DCUN1D2: variants seen among roughly 807,000 people sequenced by gnomAD.
DCUN1D2 encodes the protein defective in cullin neddylation 1 domain containing 2.
In DCUN1D2, 29 loss-of-function variants were observed where a neutral mutation model predicts 30.9. The observed-to-expected ratio is 0.94, with a 90% confidence interval of 0.70 to 1.28. The LOEUF (loss-of-function observed/expected upper bound fraction) is 1.28, where lower values mean the gene tolerates loss of function less well. Ranked by LOEUF, DCUN1D2 falls within the 50% of genes most tolerant of loss-of-function variation. DCUN1D2 has a pLI of 0.00. For synonymous variants in DCUN1D2, 121 were observed against 115.3 expected, an observed-to-expected ratio of 1.05 and a Z score of -0.32; for missense variants, 325 against 316.9, an observed-to-expected ratio of 1.03 and a Z score of -0.19.
At chr13:113,487,724 T>C (rs934034368) in intron 1 of DCUN1D2, among the ~76,000 whole-genome samples, 9 of 152,224 alleles carry the variant, frequency 5.9e-5, no homozygotes, top group Non-Finnish European at 1.0e-4. Flanking sequence ...TGACTGCTAA[T>C]GGGTACAGTT....
At chr13:113,470,407 A>G (rs1396937769) in intron 4 of DCUN1D2, among the ~76,000 whole-genome samples, 1 of 152,244 alleles carries the variant, frequency 6.6e-6, no homozygotes, top group Admixed American at 6.5e-5. Flanking sequence ...ACAACTTCAG[A>G]AGAGGAAATG....
At chr13:113,461,245 T>C (rs1361502660) in intron 4 of DCUN1D2, 109 bp from the exon 5 acceptor site, 22 of 694,740 alleles carry the variant, frequency 3.2e-5, no homozygotes, top group Non-Finnish European at 4.8e-5. Flanking sequence ...AATGTGGCAA[T>C]CTCACCCAAG....
intron 4 of DCUN1D2, among the ~76,000 whole-genome samples, chr13:113,469,417 C>A (rs1566497046): frequency 6.6e-6 from 1 of 152,290 alleles, no homozygotes; most frequent in Middle Eastern, 3.4e-3. Flanking sequence ...CCATGGCTCA[C>A]GCCTGTAATC....
At chr13:113,469,793 C>G (rs556731380) in intron 4 of DCUN1D2, among the ~76,000 whole-genome samples, 1 of 152,248 alleles carries the variant, frequency 6.6e-6, no homozygotes, top group Admixed American at 6.5e-5. Flanking sequence ...GAGCTATGAT[C>G]GCGCCACTCC....
intron 4 of DCUN1D2, among the ~76,000 whole-genome samples, chr13:113,471,162 CCAACTCCACAGAAGACA>C (rs1383732625): frequency 2.0e-5 from 3 of 150,664 alleles, no homozygotes; most frequent in Non-Finnish European, 4.4e-5. Flanking sequence ...CACAGGGGAC[CCAACTCCACAGAAGACA>C]CAACTCCACA....
Position 113,490,639 on chromosome 13 carries a change from C to A in DCUN1D2, c.3+28G>T, listed in dbSNP as rs2044951247. The A allele has an allele frequency of 8.1e-7, 1 of 1,231,990 alleles. No homozygotes were observed. The highest frequency in any genetic ancestry group is 1.0e-6 in the Non-Finnish European group (1 of 988,110). 76.3% of individuals were successfully genotyped at this position (1,231,990 alleles called of 1,614,324 possible). On this transcript the variant is annotated intron_variant, in intron 1 of 6. Transcript: ENST00000478244. This position sits in a 1 kb window ranked among gnomAD's most constrained non-coding sequence, Gnocchi z 5.2. ...GGCCCGACCCCGACCCCGACCCCGA[C>A]GGGCAGAGGCGACGCCGGGCCACCT...
At position 113,459,325 on chromosome 13, in the gene DCUN1D2, G is replaced by C; in HGVS notation, c.687C>G (p.Asn229Lys). ...AACTTCCGGTACCTTCTTCATCGTA[G>C]TTAGACATATCATCCGCAATCATGT... The part of the protein sequence containing the change: ...FGNMIADDMS[N>K]YDEEGAWPVL... The change falls in exon 6 of 7, where the codon AAC (asparagine) becomes AAG (lysine). Residue 229 changes from asparagine to lysine, a missense_variant. Physicochemically the swap from Asn to Lys is moderately conservative, Grantham distance 94. Transcript: ENST00000478244. 1.9e-6 allele frequency: 3 copies of C among 1,581,970 alleles called. No homozygotes were observed. Among genetic ancestry groups the C allele is most frequent in the Non-Finnish European group, 2.6e-6 (3 of 1,150,936 alleles).
At chr13:113,491,472 T>A (rs1453260349), upstream of DCUN1D2, among the ~76,000 whole-genome samples, 1 of 143,354 alleles carries the variant, frequency 7.0e-6, no homozygotes, top group Non-Finnish European at 1.5e-5. Flanking sequence ...CTTCTTCCCT[T>A]CCCAGGGGTC....
chr13:113,487,917 T>C (rs1390240176), intron 1 of DCUN1D2, among the ~76,000 whole-genome samples: 2 of 152,196 alleles, frequency 1.3e-5, no homozygotes, highest in African/African-American at 4.8e-5. Flanking sequence ...AGCAGACTAA[T>C]ATACTCTTCG....
intron 2 of DCUN1D2, among the ~76,000 whole-genome samples, chr13:113,482,499 T>C (rs906561637): frequency 1.3e-5 from 2 of 152,230 alleles, no homozygotes; most frequent in African/African-American, 2.4e-5. Flanking sequence ...CTTTGGGAAC[T>C]ACAATAAGTA....
At position 113,456,937 on chromosome 13, in the gene DCUN1D2, T is replaced by C. The variant is rs943798813; in HGVS notation, c.*1092A>G. ...CTCTGTCGTCCAGGCTGGAGTGCAG[T>C]GGCGCGATCTCGACTCACTGTAACC... On this transcript the variant is annotated 3_prime_UTR_variant, in exon 7 of 7. Coordinates refer to ENST00000478244, the MANE Select transcript of DCUN1D2 (RefSeq NM_001014283.2). 2.0e-5 allele frequency: 3 copies of C among 152,312 alleles called. No individual in the cohort carries two copies. The highest frequency in any genetic ancestry group is 4.4e-5 in the Non-Finnish European group (3 of 68,110). The allele number at this position is 152,312 out of a possible 1,614,324, so 9.4% of individuals were successfully genotyped here.
At chr13:113,464,588 A>T (rs2044370898) in intron 4 of DCUN1D2, among the ~76,000 whole-genome samples, 1 of 152,256 alleles carries the variant, frequency 6.6e-6, no homozygotes, top group South Asian at 2.1e-4. Flanking sequence ...GCGCGTTTCC[A>T]GGACGGGGCA....
intron 1 of DCUN1D2, among the ~76,000 whole-genome samples, chr13:113,489,667 T>TCAACA (rs1156967353): frequency 6.6e-6 from 1 of 152,120 alleles, no homozygotes; most frequent in Non-Finnish European, 1.5e-5. Flanking sequence ...GGACAATCTT[T>TCAACA]CAGCTCCTAT....
chr13:113,464,362 A>C (rs967728409), intron 4 of DCUN1D2, among the ~76,000 whole-genome samples: 1 of 152,226 alleles, frequency 6.6e-6, no homozygotes, highest in Non-Finnish European at 1.5e-5. Flanking sequence ...TTGATGCTTA[A>C]GGAAATTTAT....
intron 4 of DCUN1D2, 23 bp downstream of exon 4, chr13:113,474,101 A>G (rs1277764570): frequency 6.2e-7 from 1 of 1,603,104 alleles, no homozygotes; most frequent in Non-Finnish European, 8.5e-7. Context: ...CTGGCATTTT[A>G]CGTATTTGGA....
chr13:113,482,674 G>C (rs2044730617), intron 2 of DCUN1D2, among the ~76,000 whole-genome samples: 1 of 152,186 alleles, frequency 6.6e-6, no homozygotes, highest in African/African-American at 2.4e-5. Context: ...GCTGGGTGCG[G>C]TGCCTCATGC....
Position 113,490,386 on chromosome 13 carries a change from T to C in DCUN1D2, c.3+281A>G. On this transcript the variant is annotated intron_variant, in intron 1 of 6. Coordinates refer to ENST00000478244, the MANE Select transcript of DCUN1D2 (RefSeq NM_001014283.2). The surrounding 1 kb of genome is among the most constrained non-coding windows in gnomAD (Gnocchi z 5.2). The stretch of plus-strand genomic sequence containing the variant: ...TGGGTTCCCGCTCGGCCCCGGCCCC[T>C]GCCCCAAGGCCCCTACAGTTCCTCC... 3.6e-6 allele frequency: 1 copy of C among 281,082 alleles called. No homozygotes were observed. Among genetic ancestry groups the C allele is most frequent in the Non-Finnish European group, 6.6e-6 (1 of 151,358 alleles). 17.4% of individuals were successfully genotyped at this position (281,082 alleles called of 1,614,324 possible).
At chr13:113,463,520 TCA>T (rs1489794043) in intron 4 of DCUN1D2, among the ~76,000 whole-genome samples, 8 of 149,436 alleles carry the variant, frequency 5.4e-5, no homozygotes, top group African/African-American at 1.7e-4. Context: ...AGCAAGACCC[TCA>T]CCTCTTTAAA....
intron 3 of DCUN1D2, chr13:113,475,341 T>A (rs920277808): frequency 1.3e-5 from 2 of 152,212 alleles, no homozygotes; most frequent in Non-Finnish European, 2.9e-5. Context: ...GACACAGACT[T>A]ACCATTGTGT....
Sources: allele counts gnomAD v4.1 joint callset (sites outside exome capture counted in the v4.1 genomes callset), GRCh38; gene constraint gnomAD v4.1.1; non-coding constraint Gnocchi (gnomAD v3.1); transcripts MANE v1.5; gene names NCBI Gene and HGNC (gene_info 2026-07-23, HGNC 2026-07-21).